Variants in ADAMTS3 observed in about 807,000 individuals in gnomAD.
ADAMTS3 encodes the protein ADAM metallopeptidase with thrombospondin type 1 motif 3.
In ADAMTS3, 73 loss-of-function variants were observed where a neutral mutation model predicts 129.0. The ratio of observed to expected loss-of-function variants is 0.57; its 90% confidence interval spans 0.47 to 0.69. ADAMTS3 has a LOEUF of 0.69. ADAMTS3 is among the 30% of genes least tolerant of loss of function. The pLI is 0.00. For synonymous variants in ADAMTS3, 477 were observed against 510.8 expected, an observed-to-expected ratio of 0.93 and a Z score of 0.89; for missense variants, 1,457 against 1,514.5, an observed-to-expected ratio of 0.96 and a Z score of 0.63.
In ADAMTS3 at chr4:72,384,328, A is replaced by G. The variant is rs946250188; in HGVS notation, c.661+30487T>C. 2.6e-5 allele frequency among the ~76,000 whole-genome samples: 4 copies of G among 152,202 alleles called. No homozygotes were observed. The East Asian group carries it at 7.7e-4, about 29-fold the overall frequency. On this transcript the variant is annotated intron_variant, in intron 4 of 21. Coordinates refer to ENST00000286657, the MANE Select transcript of ADAMTS3 (RefSeq NM_014243.3). ...ATTCAAAAAGTTCAGTGAATTTCAA[A>G]CAGGACAAAAAGAAATAAAACCACA...
At chr4:72,284,966 A>G (rs1428472111) in intron 21 of ADAMTS3, among the ~76,000 whole-genome samples, 1 of 152,248 alleles carries the variant, frequency 6.6e-6, no homozygotes, top group Non-Finnish European at 1.5e-5. Flanking sequence ...TGTGCAACAC[A>G]GAAACACTGA....
At chr4:72,364,790 T>A (rs963704293) in intron 4 of ADAMTS3, among the ~76,000 whole-genome samples, 14 of 152,174 alleles carry the variant, frequency 9.2e-5, no homozygotes, top group African/African-American at 3.4e-4. Context: ...GGACTCACTC[T>A]GTTGCCCAGG....
At chr4:72,516,993 A>G in intron 3 of ADAMTS3, among the ~76,000 whole-genome samples, 1 of 152,142 alleles carries the variant, frequency 6.6e-6, no homozygotes, top group Non-Finnish European at 1.5e-5. Flanking sequence ...AGCTCTTAAT[A>G]TTTTGAGATA....
chr4:72,336,994 A>C (rs556127454), intron 5 of ADAMTS3, among the ~76,000 whole-genome samples: 2 of 152,144 alleles, frequency 1.3e-5, no homozygotes, highest in Non-Finnish European at 2.9e-5. Flanking sequence ...ACACTTAAGT[A>C]TATGCAATTG....
At chr4:72,382,812 C>T (rs2109881323) in intron 4 of ADAMTS3, among the ~76,000 whole-genome samples, 2 of 152,198 alleles carry the variant, frequency 1.3e-5, no homozygotes, top group South Asian at 4.1e-4. Flanking sequence ...CTCACTTATA[C>T]ATGGGAGCTA....
chr4:72,568,870 A>T lies in ADAMTS3; in HGVS notation c.-108T>A. On this transcript the variant is annotated 5_prime_UTR_variant, in exon 1 of 22. Transcript: ENST00000286657. ...TTAAGAAAAAAAGGAAAAGGGAAAA[A>T]ATGCGAAATAGAAAAAAATGATCTT... 1.2e-6 allele frequency: 1 copy of T among 815,056 alleles called. No individual in the cohort carries two copies. Among genetic ancestry groups the T allele is most frequent in the Non-Finnish European group, 2.0e-6 (1 of 505,898 alleles). The allele number at this position is 815,056 out of a possible 1,614,324, so 50.5% of individuals were successfully genotyped here. A position where few individuals can be genotyped will look rare whatever the true frequency, so the allele number is the denominator to read the frequency against.
At chr4:72,296,427 G>A (rs1718810218) in intron 18 of ADAMTS3, among the ~76,000 whole-genome samples, 2 of 151,982 alleles carry the variant, frequency 1.3e-5, no homozygotes, top group Admixed American at 6.6e-5. Flanking sequence ...GAGTTACTGA[G>A]GGTCTCTCAA....
At chr4:72,323,177 A>G (rs1719605351) in intron 5 of ADAMTS3, 80 bp from the exon 6 acceptor site, 2 of 1,063,718 alleles carry the variant, frequency 1.9e-6, no homozygotes, top group Admixed American at 1.8e-5. Flanking sequence ...CTGTGTAATC[A>G]CCACAAATAG....
At chr4:72,315,471 G>A (rs1452949850) in intron 11 of ADAMTS3, among the ~76,000 whole-genome samples, 1 of 152,146 alleles carries the variant, frequency 6.6e-6, no homozygotes, top group East Asian at 1.9e-4. Flanking sequence ...GCAGAAACTG[G>A]AGTGGTGCAG....
intron 4 of ADAMTS3, among the ~76,000 whole-genome samples, chr4:72,412,420 CTTAA>C (rs1442017646): frequency 6.6e-6 from 1 of 151,762 alleles, no homozygotes; most frequent in African/African-American, 2.4e-5. Context: ...AAAATATGTT[CTTAA>C]TTTACAGTTG....
At chr4:72,493,561 T>C (rs1719800296) in intron 3 of ADAMTS3, among the ~76,000 whole-genome samples, 1 of 151,952 alleles carries the variant, frequency 6.6e-6, no homozygotes, top group South Asian at 2.1e-4. Flanking sequence ...TATCATACTG[T>C]GTAACCACTA....
intron 3 of ADAMTS3, among the ~76,000 whole-genome samples, chr4:72,450,959 G>A (rs1322573818): frequency 7.2e-6 from 1 of 139,034 alleles, no homozygotes; most frequent in African/African-American, 2.6e-5. Flanking sequence ...CAGGCAGGCA[G>A]GCAGGCAAAA....
chr4:72,404,424 T>C (rs1287519754), intron 4 of ADAMTS3, among the ~76,000 whole-genome samples: 1 of 152,086 alleles, frequency 6.6e-6, no homozygotes, highest in Non-Finnish European at 1.5e-5. Flanking sequence ...GTCTCCTCAA[T>C]GAATGGTATT....
chr4:72,419,398 A>C (rs1347145945), intron 3 of ADAMTS3, among the ~76,000 whole-genome samples: 1 of 152,176 alleles, frequency 6.6e-6, no homozygotes, highest in Non-Finnish European at 1.5e-5. Flanking sequence ...TGAGGGAATG[A>C]AGAGCTTTTA....
At chr4:72,505,221 T>C (rs1266556697) in intron 3 of ADAMTS3, among the ~76,000 whole-genome samples, 2 of 152,098 alleles carry the variant, frequency 1.3e-5, no homozygotes, top group African/African-American at 4.8e-5. Context: ...TTCATGTGGG[T>C]AGGATTTTTT....
chr4:72,465,561 A>G (rs771486736), intron 3 of ADAMTS3, among the ~76,000 whole-genome samples: 1 of 152,028 alleles, frequency 6.6e-6, no homozygotes, highest in Non-Finnish European at 1.5e-5. Context: ...ACATTTGTTC[A>G]GCATTAACTA....
At chr4:72,528,258 C>T (rs1057470323) in intron 3 of ADAMTS3, among the ~76,000 whole-genome samples, 3 of 151,040 alleles carry the variant, frequency 2.0e-5, no homozygotes, top group Non-Finnish European at 4.4e-5. Flanking sequence ...GTTTCTGTTG[C>T]TTAGCAGGAG....
chr4:72,449,646 C>T (rs1432740025), intron 3 of ADAMTS3, among the ~76,000 whole-genome samples: 2 of 151,754 alleles, frequency 1.3e-5, no homozygotes, highest in South Asian at 2.1e-4. Context: ...TTCAAAAAGG[C>T]AAATCATACC....
At chr4:72,561,651 T>C (rs1400632254) in intron 2 of ADAMTS3, among the ~76,000 whole-genome samples, 3 of 152,228 alleles carry the variant, frequency 2.0e-5, no homozygotes, top group Non-Finnish European at 4.4e-5. Context: ...TACTAAATAT[T>C]AAGAAAAATT....
Sources: allele counts gnomAD v4.1 joint callset (sites outside exome capture counted in the v4.1 genomes callset), GRCh38; gene constraint gnomAD v4.1.1; transcripts MANE v1.5; gene names NCBI Gene and HGNC (gene_info 2026-07-23, HGNC 2026-07-21).